FAM120B: variants seen among roughly 807,000 people sequenced by gnomAD.
FAM120B encodes constitutive coactivator of peroxisome proliferator-activated receptor gamma.
Under a neutral mutation model 96.3 loss-of-function variants are expected in FAM120B, and 83 were observed. The observed-to-expected ratio is 0.86, with a 90% CI of 0.72 to 1.03. The LOEUF (loss-of-function observed/expected upper bound fraction) is 1.03, where lower values mean the gene tolerates loss of function less well. Among genes scored for constraint, FAM120B ranks in the 50% least tolerant of loss-of-function variants. The pLI is 0.00. For synonymous variants in FAM120B, 407 were observed against 402.7 expected (o/e 1.01, Z -0.13); for missense variants, 1,027 against 1,121.2 (o/e 0.92, Z 1.20).
At chr6:170,362,810 T>G (rs1788548760) in intron 6 of FAM120B, among the ~76,000 whole-genome samples, 1 of 151,812 alleles carries the variant, frequency 6.6e-6, no homozygotes, top group South Asian at 2.1e-4. Context: ...GCCTTCCTAG[T>G]AGTTGGGACT....
rs752739024 is a variant in FAM120B at position 170,317,403 on chromosome 6, G to A, written c.13G>A (p.Gly5Ser). 9.9e-6 allele frequency: 16 copies of A among 1,608,638 alleles called. 1 individual carries two copies. In the East Asian group the frequency reaches 2.9e-4, roughly 29 times the overall value. The change falls in exon 2 of 11, where the codon GGT becomes AGT. Residue 5 changes from glycine (G) to serine (S), a missense_variant. Transcript: ENST00000476287. MGVR[G>S]LQGFVGSTCP... The stretch of plus-strand genomic sequence containing the variant: ...CCGGAGTTCAGTTATGGGTGTGAGA[G>A]GTTTGCAAGGATTTGTGGGAAGTAC...
chr6:170,311,262 T>A (rs994609196), intron 1 of FAM120B, among the ~76,000 whole-genome samples: 2 of 152,234 alleles, frequency 1.3e-5, no homozygotes, highest in African/African-American at 4.8e-5. Flanking sequence ...GCGTAGACAT[T>A]TTAGCATGGT....
intron 4 of FAM120B, among the ~76,000 whole-genome samples, chr6:170,342,065 T>C (rs997672617): frequency 2.0e-5 from 3 of 152,188 alleles, no homozygotes; most frequent in East Asian, 1.9e-4. Context: ...ACTGAAGACC[T>C]TGGAGTCCAG....
intron 1 of FAM120B, among the ~76,000 whole-genome samples, chr6:170,312,331 C>G (rs920828271): frequency 2.0e-5 from 3 of 151,884 alleles, no homozygotes; most frequent in Non-Finnish European, 4.4e-5. Flanking sequence ...ACAATAAAAC[C>G]TCCCTAAAAT....
intron 4 of FAM120B, among the ~76,000 whole-genome samples, chr6:170,332,126 G>A (rs957635064): frequency 6.6e-6 from 1 of 152,076 alleles, no homozygotes; most frequent in Non-Finnish European, 1.5e-5. Flanking sequence ...ACTTTTACAC[G>A]GAGGGCCACA....
intron 6 of FAM120B, among the ~76,000 whole-genome samples, chr6:170,361,614 G>T (rs1035999324): frequency 6.6e-6 from 1 of 152,032 alleles, no homozygotes; most frequent in East Asian, 1.9e-4. Flanking sequence ...TTATGTGTTT[G>T]CCAGTTTTCC....
intron 6 of FAM120B, among the ~76,000 whole-genome samples, chr6:170,373,243 C>T (rs1008298141): frequency 6.6e-6 from 1 of 152,294 alleles, no homozygotes; most frequent in Non-Finnish European, 1.5e-5. Flanking sequence ...TATTCCAGAG[C>T]ACCTTAAACC....
intron 4 of FAM120B, among the ~76,000 whole-genome samples, chr6:170,339,819 C>A (rs549457735): frequency 1.3e-5 from 2 of 151,910 alleles, no homozygotes; most frequent in Non-Finnish European, 1.5e-5. Context: ...ATTGGCCCCC[C>A]ACTCTTTTGC....
chr6:170,323,836 A>C (rs1297753448), intron 3 of FAM120B, among the ~76,000 whole-genome samples: 1 of 152,202 alleles, frequency 6.6e-6, no homozygotes, highest in Non-Finnish European at 1.5e-5. Flanking sequence ...CCAAGGAGAA[A>C]GTTAGTGAAG....
chr6:170,390,933 A>T, intron 7 of FAM120B, 80 bp from the exon 8 acceptor site: 1 of 1,152,688 alleles, frequency 8.7e-7, no homozygotes, highest in Non-Finnish European at 1.3e-6. Context: ...GGTGTCCCCT[A>T]AGCTTCCTTC....
chr6:170,388,375 G>A lies in FAM120B; in HGVS notation c.2372G>A (p.Gly791Asp), dbSNP rs1415866605. The change falls in exon 7 of 11, where the codon GGC becomes GAC. Residue 791 changes from glycine to aspartate, a missense_variant. Gly to Asp is a moderately conservative substitution (Grantham distance 94). Transcript: ENST00000476287. ...CTGGTTTTAGTCAACAGCGCATGTGGCTTCCCCTGGAAGACGAGTGATTTC... is the reference window on the plus strand; with the variant it reads ...CTGGTTTTAGTCAACAGCGCATGTGACTTCCCCTGGAAGACGAGTGATTTC... ...TTLVLVNSAC[G>D]FPWKTSDFMP... The A allele has an allele frequency of 1.2e-6, 2 of 1,614,068 alleles. No homozygotes were observed. The highest frequency in any genetic ancestry group is 1.3e-5 in the African/African-American group (1 of 74,922).
intron 3 of FAM120B, among the ~76,000 whole-genome samples, chr6:170,326,711 A>T (rs1480492737): frequency 1.3e-5 from 2 of 152,156 alleles, no homozygotes. Context: ...CAATTTTCCC[A>T]TGTGACAGAA....
chr6:170,376,631 G>A (rs9366217), intron 6 of FAM120B, among the ~76,000 whole-genome samples: 7,457 of 152,272 alleles, frequency 0.049, 312 homozygotes, highest in East Asian at 0.2. Context: ...TCACCTTGTT[G>A]AGAACAATTC....
chr6:170,338,396 CTGTT>C (rs1369207722), intron 4 of FAM120B, among the ~76,000 whole-genome samples: 1 of 152,124 alleles, frequency 6.6e-6, no homozygotes, highest in Non-Finnish European at 1.5e-5. Flanking sequence ...GTCTGAGAGA[CTGTT>C]TGTTATGATT....
At chr6:170,329,965 C>A (rs1412843559) in intron 3 of FAM120B, among the ~76,000 whole-genome samples, 1 of 152,192 alleles carries the variant, frequency 6.6e-6, no homozygotes, top group Non-Finnish European at 1.5e-5. Context: ...TCTAGGGACA[C>A]CACCTCTTCT....
At chr6:170,299,999 C>T (rs1784106899) in intron 1 of FAM120B, among the ~76,000 whole-genome samples, 1 of 152,216 alleles carries the variant, frequency 6.6e-6, no homozygotes. Context: ...ACTTCAGCAG[C>T]ATTTAATGTG....
At chr6:170,316,678 A>C (rs1784923069) in intron 1 of FAM120B, among the ~76,000 whole-genome samples, 1 of 152,162 alleles carries the variant, frequency 6.6e-6, no homozygotes, top group South Asian at 2.1e-4. Context: ...CCTTCTTAAC[A>C]CCTTTATTCA....
intron 1 of FAM120B, among the ~76,000 whole-genome samples, chr6:170,300,321 AACTC>A (rs1784113257): frequency 1.3e-5 from 2 of 152,168 alleles, no homozygotes; most frequent in African/African-American, 4.8e-5. Flanking sequence ...GTCTCATGAG[AACTC>A]ACTCACTATC....
intron 3 of FAM120B, among the ~76,000 whole-genome samples, chr6:170,324,164 T>A (rs147767674): frequency 6.6e-6 from 1 of 152,212 alleles, no homozygotes; most frequent in East Asian, 1.9e-4. Context: ...AAGTGAACAT[T>A]TACATAATCT....
Sources: gnomAD v4.1 joint callset for allele counts (sites outside exome capture counted in the v4.1 genomes callset) on GRCh38, gnomAD v4.1.1 for gene constraint, MANE v1.5 for transcripts, NCBI Gene and HGNC (gene_info 2026-07-23, HGNC 2026-07-21) for gene names.